METTL25: variants seen among roughly 807,000 people sequenced by gnomAD.
METTL25 encodes methyltransferase like 25.
Under a neutral mutation model 71.6 loss-of-function variants are expected in METTL25, and 64 were observed. That is an observed-to-expected ratio of 0.89 (90% confidence interval 0.73 to 1.10). The LOEUF (loss-of-function observed/expected upper bound fraction) is 1.10, where lower values mean the gene tolerates loss of function less well. Ranked by LOEUF, METTL25 falls within the 50% of genes least tolerant of loss-of-function variation. The pLI, the probability that METTL25 is intolerant of heterozygous loss-of-function variation, is 0.00. For synonymous variants in METTL25, 287 were observed against 250.3 expected, an observed-to-expected ratio of 1.15 and a Z score of -1.38; for missense variants, 807 against 707.0, an observed-to-expected ratio of 1.14 and a Z score of -1.60.
intron 9 of METTL25, among the ~76,000 whole-genome samples, chr12:82,459,128 T>C (rs1012574289): frequency 1.3e-4 from 20 of 152,018 alleles, no homozygotes; most frequent in African/African-American, 4.6e-4. Context: ...AAAACACAGA[T>C]TGAAGAGACA....
At chr12:82,428,720 G>T (rs1385879988) in intron 5 of METTL25, among the ~76,000 whole-genome samples, 4 of 151,762 alleles carry the variant, frequency 2.6e-5, no homozygotes, top group African/African-American at 9.7e-5. Flanking sequence ...TTCCAGCTCT[G>T]CCTTGTGCTT....
intron 5 of METTL25, among the ~76,000 whole-genome samples, chr12:82,419,485 A>T (rs1488399597): frequency 6.6e-6 from 1 of 152,140 alleles, no homozygotes; most frequent in Non-Finnish European, 1.5e-5. Flanking sequence ...TATCTTGTCC[A>T]TAAGGGGCTG....
Position 82,457,587 on chromosome 12 carries a change from A to G in METTL25, c.1572+767A>G, listed in dbSNP as rs114290620. Among the ~76,000 whole-genome samples the G allele has an allele frequency of 8.0e-3, 1,218 of 152,120 alleles. 11 individuals carry two copies. The highest frequency in any genetic ancestry group is 0.028 in the African/African-American group (1,179 of 41,544). Reference sequence around the variant, plus strand: ...TATTACTCAAAGCAATTGAACTGGGACTAGTCAGTTTCCTCCCCTTTAAAA... The same window carrying G: ...TATTACTCAAAGCAATTGAACTGGGGCTAGTCAGTTTCCTCCCCTTTAAAA... On this transcript the variant is annotated intron_variant, in intron 9 of 11. Coordinates refer to ENST00000248306, the MANE Select transcript of METTL25 (RefSeq NM_032230.3).
intron 3 of METTL25, among the ~76,000 whole-genome samples, chr12:82,390,234 G>A (rs995167544): frequency 6.6e-6 from 1 of 152,000 alleles, no homozygotes; most frequent in African/African-American, 2.4e-5. Flanking sequence ...GTCTGAGGTA[G>A]CATTATGAGG....
At chr12:82,423,444 G>A (rs370227772) in intron 5 of METTL25, among the ~76,000 whole-genome samples, 3 of 152,026 alleles carry the variant, frequency 2.0e-5, no homozygotes, top group Non-Finnish European at 2.9e-5. Flanking sequence ...AAACCCTAGA[G>A]GAAAACCTAG....
intron 6 of METTL25, among the ~76,000 whole-genome samples, chr12:82,434,290 T>C (rs142107542): frequency 1.2e-3 from 183 of 151,448 alleles, no homozygotes; most frequent in African/African-American, 4.4e-3. Flanking sequence ...TGAGAAAATA[T>C]GTTAAAATAT....
intron 7 of METTL25, among the ~76,000 whole-genome samples, chr12:82,437,576 G>T (rs1025472512): frequency 5.9e-5 from 9 of 151,632 alleles, no homozygotes; most frequent in African/African-American, 2.2e-4. Flanking sequence ...TAGGTTTTCT[G>T]CCTGAGCACG....
chr12:82,444,532 G>A lies in METTL25; in HGVS notation c.1478+5741G>A, dbSNP rs558716421. 3.5e-4 allele frequency among the ~76,000 whole-genome samples: 53 copies of A among 152,158 alleles called. 1 individual carries two copies. The highest frequency in any genetic ancestry group is 1.1e-3 in the African/African-American group (46 of 41,524). On this transcript the variant is annotated intron_variant, in intron 8 of 11. Coordinates refer to ENST00000248306, the MANE Select transcript of METTL25 (RefSeq NM_032230.3). ...ACTCTTAATACTGTAAATGTGATAC[G>A]CCACGCAATTCATATCCCTGGTATA...
chr12:82,409,538 T>A (rs991986630), intron 5 of METTL25, among the ~76,000 whole-genome samples: 1 of 152,114 alleles, frequency 6.6e-6, no homozygotes. Context: ...CATTTTTTCT[T>A]CTTTGCTAAC....
rs560530950 is a variant in METTL25 at position 82,414,530 on chromosome 12, C to G, written c.1279+11400C>G. 2.1e-3 allele frequency among the ~76,000 whole-genome samples: 323 copies of G among 152,132 alleles called. 1 individual carries two copies. The highest frequency in any genetic ancestry group is 7.2e-3 in the African/African-American group (297 of 41,536). On this transcript the variant is annotated intron_variant, in intron 5 of 11. Coordinates refer to ENST00000248306, the MANE Select transcript of METTL25 (RefSeq NM_032230.3). ...GAAGCGCATGCAGATTGGATTTATTCAGCATAAAAAAGTTCTCCCTGTGTT... is the reference window on the plus strand; with the variant it reads ...GAAGCGCATGCAGATTGGATTTATTGAGCATAAAAAAGTTCTCCCTGTGTT...
chr12:82,386,991 T>C (rs759705330), intron 2 of METTL25, 24 bp downstream of exon 2: 4 of 1,588,356 alleles, frequency 2.5e-6, no homozygotes, highest in Admixed American at 3.5e-5. Context: ...TGTGTGTGTA[T>C]GTGTGCTTTT....
chr12:82,433,439 T>C, intron 6 of METTL25, among the ~76,000 whole-genome samples: 1 of 151,704 alleles, frequency 6.6e-6, no homozygotes, highest in East Asian at 1.9e-4. Context: ...AACATTCTAC[T>C]TGGCTGTAGA....
chr12:82,438,617 C>A, intron 7 of METTL25, 101 bp from the exon 8 acceptor site: 1 of 583,194 alleles, frequency 1.7e-6, no homozygotes, highest in Non-Finnish European at 2.6e-6. Context: ...TGTTTAGCAA[C>A]AAAGGTTTCT....
rs73352414 is a variant in METTL25, at chr12:82,463,395, G to A, written c.1572+6575G>A. On this transcript the variant is annotated intron_variant, in intron 9 of 11. Transcript: ENST00000248306. ...AATGATCTACAGTTCTACACATGTT[G>A]CCAGGAATGAAGGATTTCATTATTA... 9.6e-3 allele frequency among the ~76,000 whole-genome samples: 1,457 copies of A among 151,934 alleles called. 27 individuals carry two copies. Among genetic ancestry groups the A allele is most frequent in the African/African-American group, 0.033 (1,367 of 41,468 alleles).
Position 82,399,321 on chromosome 12 carries a change from C to A in METTL25, c.1058C>A (p.Ser353Ter). The A allele has an allele frequency of 1.2e-6, 2 of 1,609,830 alleles. No homozygotes were observed. The highest frequency in any genetic ancestry group is 2.2e-5 in the South Asian group (2 of 90,764). The part of the protein sequence containing the change: ...RRKMTSKSSE[S>*]NIYSPLTSFI... The stretch of plus-strand genomic sequence containing the variant: ...AAAATGACATCAAAGTCAAGTGAAT[C>A]AAATATATATTCACCTTTAACCTCT... Residue 353 changes from serine to a stop codon, truncating the protein, a stop_gained, in exon 4 of 12, where the codon TCA becomes TAA. Coordinates refer to ENST00000248306, the MANE Select transcript of METTL25 (RefSeq NM_032230.3). LOFTEE classifies it high-confidence loss of function.
At chr12:82,458,419 C>A (rs896364425) in intron 9 of METTL25, among the ~76,000 whole-genome samples, 5 of 152,094 alleles carry the variant, frequency 3.3e-5, no homozygotes, top group African/African-American at 1.2e-4. Flanking sequence ...GAAAGACAGG[C>A]AAATACAGAG....
At chr12:82,477,115 C>A (rs1165809252) in intron 10 of METTL25, among the ~76,000 whole-genome samples, 166 bp from the exon 11 acceptor site, 1 of 151,684 alleles carries the variant, frequency 6.6e-6, no homozygotes, top group Non-Finnish European at 1.5e-5. Flanking sequence ...TAAAGAAAAC[C>A]TTTTGATCTC....
intron 2 of METTL25, among the ~76,000 whole-genome samples, chr12:82,387,711 A>AGGCT (rs1565818478): frequency 3.1e-5 from 1 of 32,094 alleles, no homozygotes; most frequent in African/African-American, 6.8e-5. Flanking sequence ...CTACACACAC[A>AGGCT]CGCGCACACA....
At chr12:82,369,898 G>T (rs761615599) in intron 1 of METTL25, among the ~76,000 whole-genome samples, 3 of 152,128 alleles carry the variant, frequency 2.0e-5, no homozygotes, top group Non-Finnish European at 4.4e-5. Flanking sequence ...AGTGCTGATT[G>T]GTGCGTTTTT....
Sources: gnomAD v4.1 joint callset for allele counts (sites outside exome capture counted in the v4.1 genomes callset) on GRCh38, gnomAD v4.1.1 for gene constraint, MANE v1.5 for transcripts, NCBI Gene and HGNC (gene_info 2026-07-23, HGNC 2026-07-21) for gene names.